Variants in FILIP1 observed in about 807,000 individuals in gnomAD.
The protein encoded by FILIP1 is filamin-A-interacting protein 1.
FILIP1 carries 61 observed loss-of-function variants against 102.1 expected under a neutral mutation model. The observed-to-expected ratio is 0.60, with a 90% CI of 0.49 to 0.74. The LOEUF (loss-of-function observed/expected upper bound fraction) is 0.74, where lower values mean the gene tolerates loss of function less well. Ranked by LOEUF, FILIP1 falls within the 30% of genes least tolerant of loss-of-function variation. The pLI, the probability that FILIP1 is intolerant of heterozygous loss-of-function variation, is 0.00. For synonymous variants in FILIP1, 491 were observed against 526.9 expected (o/e 0.93, Z 0.93); for missense variants, 1,314 against 1,441.2 (o/e 0.91, Z 1.43).
At chr6:75,350,161 C>T (rs774014772) in intron 4 of FILIP1, among the ~76,000 whole-genome samples, 57 of 151,998 alleles carry the variant, frequency 3.8e-4, no homozygotes, top group Non-Finnish European at 6.6e-4. Flanking sequence ...GGCATGTGCA[C>T]TGGTGGTCAG....
At chr6:75,356,412 T>C (rs920527599) in intron 3 of FILIP1, among the ~76,000 whole-genome samples, 3 of 152,136 alleles carry the variant, frequency 2.0e-5, no homozygotes, top group African/African-American at 4.8e-5. Flanking sequence ...GCTGATAATA[T>C]CTGAGATCAT....
At chr6:75,426,593 G>A (rs1777634737) in intron 1 of FILIP1, among the ~76,000 whole-genome samples, 1 of 152,086 alleles carries the variant, frequency 6.6e-6, no homozygotes, top group Non-Finnish European at 1.5e-5. Context: ...CAAGGCAGAT[G>A]GCTTCAAGCA....
chr6:75,349,784 C>G (rs1420524439), intron 4 of FILIP1, among the ~76,000 whole-genome samples: 2 of 152,166 alleles, frequency 1.3e-5, no homozygotes, highest in South Asian at 2.1e-4. Context: ...ATGCAGCGAC[C>G]CAGCCAAGGT....
intron 1 of FILIP1, among the ~76,000 whole-genome samples, chr6:75,485,998 T>C (rs2872170): frequency 0.47 from 46,776 of 99,420 alleles, 8,324 homozygotes; most frequent in Non-Finnish European, 0.55. Flanking sequence ...CACACACACA[T>C]ACACACACAC....
chr6:75,480,374 C>A (rs548337133), intron 1 of FILIP1, among the ~76,000 whole-genome samples: 1 of 148,666 alleles, frequency 6.7e-6, no homozygotes, highest in East Asian at 1.9e-4. Context: ...TCTGATACCA[C>A]CGCCTAAGTG....
intron 1 of FILIP1, chr6:75,458,641 T>C (rs1303866435): frequency 3.3e-5 from 5 of 152,148 alleles, no homozygotes; most frequent in African/African-American, 1.2e-4. Flanking sequence ...AGAGGAGGAA[T>C]AGGGATAACA....
chr6:75,362,848 C>T lies in FILIP1; in HGVS notation c.346G>A (p.Gly116Arg), dbSNP rs140731996. The change falls in exon 3 of 6, where the codon GGG becomes AGG. Residue 116 changes from glycine to arginine, a missense_variant. By Grantham distance (125) the Gly-to-Arg change is moderately radical. This residue lies in a region of FILIP1 where 494 missense variants were observed against 511.2 expected (regional missense o/e 0.97). Transcript: ENST00000237172. ...TKPEVLEAHY[G>R]SAEPEKVLRV... ...AGCACTTTCTCTGGCTCCGCAGACCCGTAATGAGCCTCCAGAACCTCAGGC... is the reference window on the plus strand; with the variant it reads ...AGCACTTTCTCTGGCTCCGCAGACCTGTAATGAGCCTCCAGAACCTCAGGC... The T allele has an allele frequency of 5.6e-6, 9 of 1,613,800 alleles. No homozygotes were observed. Among genetic ancestry groups the T allele is most frequent in the Admixed American group, 1.7e-5 (1 of 59,976 alleles).
intron 2 of FILIP1, among the ~76,000 whole-genome samples, chr6:75,391,465 C>T (rs796520101): frequency 5.3e-5 from 8 of 152,252 alleles, no homozygotes; most frequent in African/African-American, 1.4e-4. Flanking sequence ...TACCCCATTG[C>T]TCCCTGACTC....
intron 1 of FILIP1, among the ~76,000 whole-genome samples, chr6:75,416,218 T>C (rs1249559687): frequency 1.3e-5 from 2 of 152,142 alleles, no homozygotes; most frequent in Non-Finnish European, 2.9e-5. Context: ...ACACAAAAAT[T>C]AACACAGTGT....
At chr6:75,363,675 G>A (rs1345520603) in intron 2 of FILIP1, among the ~76,000 whole-genome samples, 1 of 152,142 alleles carries the variant, frequency 6.6e-6, no homozygotes, top group Non-Finnish European at 1.5e-5. Flanking sequence ...ATCACATAAT[G>A]CAAATACACC....
At chr6:75,479,164 G>T (rs973964193) in intron 1 of FILIP1, among the ~76,000 whole-genome samples, 2 of 152,074 alleles carry the variant, frequency 1.3e-5, no homozygotes, top group Non-Finnish European at 2.9e-5. Flanking sequence ...TCATATAAGA[G>T]TCTCTAGGTC....
Position 75,432,602 on chromosome 6 carries a change from T to C in FILIP1, c.-6-17624A>G, listed in dbSNP as rs756735823. Among the ~76,000 whole-genome samples the C allele has an allele frequency of 1.2e-4, 18 of 152,326 alleles. No homozygotes were observed. The South Asian group carries it at 1.7e-3, about 14-fold the overall frequency. ...AAGCCAATTCTGCAAAATGTTACTA[T>C]GCAAGGCCATATAGGTTTCATCCAC... On this transcript the variant is annotated intron_variant, in intron 1 of 5. Coordinates refer to ENST00000237172, the MANE Select transcript of FILIP1 (RefSeq NM_015687.5).
intron 2 of FILIP1, among the ~76,000 whole-genome samples, chr6:75,406,388 T>C (rs1776845281): frequency 6.6e-6 from 1 of 152,176 alleles, no homozygotes; most frequent in South Asian, 2.1e-4. Context: ...AACCCACCAA[T>C]TCTTCAAAGT....
chr6:75,481,159 T>G (rs1285647585), intron 1 of FILIP1, among the ~76,000 whole-genome samples: 1 of 152,144 alleles, frequency 6.6e-6, no homozygotes, highest in Non-Finnish European at 1.5e-5. Flanking sequence ...ACTTCTGTGG[T>G]CTCACTAAAC....
At chr6:75,335,967 G>T (rs528397636) in intron 4 of FILIP1, among the ~76,000 whole-genome samples, 21 of 152,296 alleles carry the variant, frequency 1.4e-4, no homozygotes, top group Middle Eastern at 6.8e-3. Flanking sequence ...CTAAATAAGT[G>T]TGTTTTCATT....
intron 4 of FILIP1, among the ~76,000 whole-genome samples, chr6:75,349,384 A>C (rs1774706138): frequency 6.6e-6 from 1 of 152,022 alleles, no homozygotes; most frequent in Admixed American, 6.6e-5. Context: ...CAAATCAATA[A>C]GCCGCCTGGA....
intron 2 of FILIP1, among the ~76,000 whole-genome samples, chr6:75,405,455 GA>G (rs555024650): frequency 6.7e-6 from 1 of 149,634 alleles, no homozygotes; most frequent in Non-Finnish European, 1.5e-5. Flanking sequence ...AAAGAAAAAA[GA>G]AAAAAAAACA....
At chr6:75,326,179 C>T (rs1773857659) in intron 4 of FILIP1, among the ~76,000 whole-genome samples, 1 of 151,736 alleles carries the variant, frequency 6.6e-6, no homozygotes, top group African/African-American at 2.4e-5. Flanking sequence ...TAAAAAGGAA[C>T]AAAATAATGG....
chr6:75,424,142 C>T (rs1297371942), intron 1 of FILIP1, among the ~76,000 whole-genome samples: 4 of 152,132 alleles, frequency 2.6e-5, no homozygotes, highest in Non-Finnish European at 5.9e-5. Flanking sequence ...CCTGGGAAAG[C>T]CTGAGCTAGA....
Sources: gnomAD v4.1 joint callset for allele counts (sites outside exome capture counted in the v4.1 genomes callset) on GRCh38, gnomAD v4.1.1 for gene constraint, gnomAD v4.1.1 regional missense constraint, MANE v1.5 for transcripts, NCBI Gene and HGNC (gene_info 2026-07-23, HGNC 2026-07-21) for gene names.